Variants in MICOS10 observed in about 807,000 individuals in gnomAD.
MICOS10 encodes the protein MICOS complex subunit MIC10.
Under a neutral mutation model 13.4 loss-of-function variants are expected in MICOS10, and 5 were observed. That is an observed-to-expected ratio of 0.37 (90% CI 0.20 to 0.78). The LOEUF (loss-of-function observed/expected upper bound fraction) is 0.78, where lower values mean the gene tolerates loss of function less well. Among genes scored for constraint, MICOS10 ranks in the 30% least tolerant of loss-of-function variants. The pLI is 0.47. For missense variants in MICOS10, 101 were observed against 94.6 expected (o/e 1.07, Z -0.28); for synonymous variants, 35 against 33.6 (o/e 1.04, Z -0.15).
At chr1:19,625,365 G>T (rs1558349171) in intron 3 of MICOS10, 13 of 1,286,702 alleles carry the variant, frequency 1.0e-5, no homozygotes, top group Non-Finnish European at 1.3e-5. Context: ...GCAGTATCCT[G>T]CCACGGCCCT....
chr1:19,601,642 C>T (rs564511265), intron 1 of MICOS10, among the ~76,000 whole-genome samples: 6 of 150,786 alleles, frequency 4.0e-5, no homozygotes, highest in South Asian at 2.1e-4. Flanking sequence ...CCTGCTTATT[C>T]GGGTTTTAAA....
intron 3 of MICOS10, among the ~76,000 whole-genome samples, chr1:19,625,177 G>C (rs2094917619): frequency 6.6e-6 from 1 of 152,216 alleles, no homozygotes; most frequent in Non-Finnish European, 1.5e-5. Flanking sequence ...ATGTTTTTAA[G>C]CTGTGAAGTA....
At position 19,623,477 on chromosome 1, in the gene MICOS10, G is replaced by A; in HGVS notation, c.116G>A (p.Arg39Lys). 1 of 1,607,066 alleles carries A rather than the reference G, an allele frequency of 6.2e-7. No homozygotes were observed. ...TTTTCCCTTTTTTGCTCACTAGGAA[G>A]AATGTGGCCATTAGCCTTCGGTTCT... ...IVFSLTFFKRRMWPLAFGSGM... is the reference protein window; with the variant it reads ...IVFSLTFFKRKMWPLAFGSGM... The change falls in exon 3 of 4, where the codon AGA becomes AAA. Residue 39 changes from arginine to lysine, a missense_variant. Coordinates refer to ENST00000322753, the MANE Select transcript of MICOS10 (RefSeq NM_001032363.4).
At chr1:19,601,226 T>C (rs840265) in intron 1 of MICOS10, 19,181 of 346,986 alleles carry the variant, frequency 0.055, 3,481 homozygotes, top group African/African-American at 0.38. Context: ...CATATGATTT[T>C]GTCCTGTAGG....
chr1:19,629,769 G>T lies in MICOS10; in HGVS notation c.*3368G>T, dbSNP rs906519690. The T allele has an allele frequency of 1.3e-5, 2 of 152,152 alleles. No individual in the cohort carries two copies. The highest frequency in any genetic ancestry group is 2.9e-5 in the Non-Finnish European group (2 of 68,030). 9.4% of individuals were successfully genotyped at this position (152,152 alleles called of 1,614,324 possible). On this transcript the variant is annotated 3_prime_UTR_variant, in exon 4 of 4. Coordinates refer to ENST00000322753, the MANE Select transcript of MICOS10 (RefSeq NM_001032363.4). ...CGTGGTTCGATCTGATTGTATTGTC[G>T]AAGGACTATTTTTGAACCTGTCCAA...
At chr1:19,617,902 A>G (rs533598799) in intron 1 of MICOS10, among the ~76,000 whole-genome samples, 1 of 134,946 alleles carries the variant, frequency 7.4e-6, no homozygotes, top group South Asian at 2.9e-4. Context: ...ATCCTCTATT[A>G]AAAAATATAT....
At chr1:19,622,355 C>G (rs760997440) in intron 2 of MICOS10, among the ~76,000 whole-genome samples, 55 of 152,182 alleles carry the variant, frequency 3.6e-4, no homozygotes, top group Non-Finnish European at 1.3e-4. Context: ...CAGCATTCCC[C>G]TGGGCACTGA....
At chr1:19,622,032 A>G in intron 1 of MICOS10, 68 bp from the exon 2 acceptor site, 1 of 1,171,384 alleles carries the variant, frequency 8.5e-7, no homozygotes, top group Non-Finnish European at 1.2e-6. Flanking sequence ...CACATTTAAG[A>G]AATGTTAATG....
chr1:19,609,295 A>G (rs2100274385), intron 1 of MICOS10, among the ~76,000 whole-genome samples: 2 of 152,328 alleles, frequency 1.3e-5, no homozygotes, highest in Admixed American at 1.3e-4. Context: ...ATCATGAGAT[A>G]TACCTACACA....
intron 1 of MICOS10, among the ~76,000 whole-genome samples, chr1:19,605,634 A>G (rs2094831837): frequency 1.3e-5 from 2 of 152,152 alleles, no homozygotes; most frequent in Admixed American, 6.5e-5. Context: ...TATTTGTACT[A>G]CATCTTGTTT....
Position 19,611,577 on chromosome 1 carries a change from G to T in MICOS10, c.65-10523G>T, listed in dbSNP as rs150350717. Among the ~76,000 whole-genome samples the T allele has an allele frequency of 3.9e-4, 57 of 147,652 alleles. No individual in the cohort carries two copies. In the East Asian group the frequency reaches 0.011, roughly 30 times the overall value. ...CAGCCTTGACCTCCTGGACTCCAGTGACGTCCTGCCTGGGCCTCTCAAAGT... is the reference window on the plus strand; with the variant it reads ...CAGCCTTGACCTCCTGGACTCCAGTTACGTCCTGCCTGGGCCTCTCAAAGT... On this transcript the variant is annotated intron_variant, in intron 1 of 3. Coordinates refer to ENST00000322753, the MANE Select transcript of MICOS10 (RefSeq NM_001032363.4).
At chr1:19,601,195 A>T (rs2094813378) in intron 1 of MICOS10, 1 of 354,200 alleles carries the variant, frequency 2.8e-6, no homozygotes, top group Non-Finnish European at 5.5e-6. Flanking sequence ...AGGCTTGAAT[A>T]ATATCTTAAT....
Position 19,626,932 on chromosome 1 carries a change from C to G in MICOS10, c.*531C>G, listed in dbSNP as rs1263526604. The G allele has an allele frequency of 1.2e-5, 2 of 161,368 alleles. No individual in the cohort carries two copies. Among genetic ancestry groups the G allele is most frequent in the South Asian group, 1.8e-4 (1 of 5,630 alleles). 10.0% of individuals were successfully genotyped at this position (161,368 alleles called of 1,614,324 possible). On this transcript the variant is annotated 3_prime_UTR_variant, in exon 4 of 4. Coordinates refer to ENST00000322753, the MANE Select transcript of MICOS10 (RefSeq NM_001032363.4). ...CCTGGGGACCTGGCAGGGCACATCT[C>G]CGCTGTGCCTACTGCAAGGCGGTCC...
chr1:19,603,509 T>G (rs1040627022), intron 1 of MICOS10, among the ~76,000 whole-genome samples: 6 of 152,206 alleles, frequency 3.9e-5, no homozygotes, highest in Non-Finnish European at 7.3e-5. Flanking sequence ...CAGAGGACGC[T>G]TTGAGGAAAA....
chr1:19,610,143 AAAG>A (rs1360918917), intron 1 of MICOS10, among the ~76,000 whole-genome samples: 2 of 152,160 alleles, frequency 1.3e-5, no homozygotes, highest in Non-Finnish European at 2.9e-5. Context: ...TCCATTTCAA[AAAG>A]AAGAAAAAAA....
At position 19,629,421 on chromosome 1, in the gene MICOS10, T is replaced by G. The variant is rs996967167; in HGVS notation, c.*3020T>G. ...CTGTATAATTTGGCCCAGAACAATA[T>G]GTATTTTGAGCTCATTTAGGTGAAT... On this transcript the variant is annotated 3_prime_UTR_variant, in exon 4 of 4. Transcript: ENST00000322753. 1 of 152,202 alleles carries G rather than the reference T, an allele frequency of 6.6e-6. No homozygotes were observed. The highest frequency in any genetic ancestry group is 1.5e-5 in the Non-Finnish European group (1 of 68,044). The allele number at this position is 152,202 out of a possible 1,614,324, so 9.4% of individuals were successfully genotyped here.
chr1:19,606,781 G>A (rs1461066002), intron 1 of MICOS10, among the ~76,000 whole-genome samples: 1 of 151,968 alleles, frequency 6.6e-6, no homozygotes, highest in Admixed American at 6.6e-5. Flanking sequence ...AAGTAGGACA[G>A]TAAAAGACTT....
chr1:19,623,659 T>C (rs932360749), intron 3 of MICOS10, 76 bp downstream of exon 3: 2 of 1,007,484 alleles, frequency 2.0e-6, no homozygotes, highest in African/African-American at 1.6e-5. Context: ...TTCTTTAGAC[T>C]GTTTGTAATG....
chr1:19,598,099 C>T (rs2094799711), intron 1 of MICOS10: 1 of 152,192 alleles, frequency 6.6e-6, no homozygotes, highest in Non-Finnish European at 1.5e-5. Flanking sequence ...GTCACTGCCC[C>T]ATCCCCAGCC....
Sources: allele counts gnomAD v4.1 joint callset (sites outside exome capture counted in the v4.1 genomes callset), GRCh38; gene constraint gnomAD v4.1.1; transcripts MANE v1.5; gene names NCBI Gene and HGNC (gene_info 2026-07-23, HGNC 2026-07-21).